The following CBFA2T3 variants were observed in gnomAD, a reference collection of about 807,000 sequenced individuals.
CBFA2T3 encodes the protein transcriptional corepressor CBFA2T3.
A neutral mutation model predicts 58.6 loss-of-function variants in CBFA2T3; 31 were observed. The observed-to-expected ratio is 0.53, with a 90% CI of 0.40 to 0.71. CBFA2T3 has a LOEUF of 0.71. Among genes scored for constraint, CBFA2T3 ranks in the 30% least tolerant of loss-of-function variants. The pLI is 0.00. For missense variants in CBFA2T3, 1,076 were observed against 963.1 expected, an observed-to-expected ratio of 1.12 and a Z score of -1.55; for synonymous variants, 531 against 421.9, an observed-to-expected ratio of 1.26 and a Z score of -3.17.
intron 1 of CBFA2T3, among the ~76,000 whole-genome samples, chr16:88,975,697 C>T (rs2142897307): frequency 6.6e-6 from 1 of 152,392 alleles, no homozygotes; most frequent in East Asian, 1.9e-4. Context: ...TTGGGAAGTT[C>T]CTGCTCACAT....
intron 3 of CBFA2T3, among the ~76,000 whole-genome samples, chr16:88,894,453 C>T (rs1015211625): frequency 4.2e-5 from 5 of 118,404 alleles, no homozygotes; most frequent in South Asian, 5.1e-4. Context: ...CACACATGCA[C>T]GCACACATGC....
Position 88,880,756 on chromosome 16 carries a change from T to A in CBFA2T3, c.1435A>T (p.Thr479Ser). 1 of 1,583,564 alleles carries A rather than the reference T, an allele frequency of 6.3e-7. No homozygotes were observed. Residue 479 changes from threonine (T) to serine (S), a missense_variant, in exon 10 of 12, where the codon ACC (threonine) becomes TCC (serine). Transcript: ENST00000268679. ...VPREFLPRTL[T>S]GYVPEDIWRK... ...CAGATGTCCTCAGGCACGTAGCCGG[T>A]GAGGGTCCTCGGCAGGAACTCGCGA...
intron 1 of CBFA2T3, among the ~76,000 whole-genome samples, chr16:88,934,213 G>A (rs924520762): frequency 2.0e-5 from 3 of 151,526 alleles, no homozygotes; most frequent in Non-Finnish European, 2.9e-5. Flanking sequence ...CGGAGGCACC[G>A]GCGAGAAGGG....
intron 7 of CBFA2T3, among the ~76,000 whole-genome samples, chr16:88,884,426 G>T (rs573125539): frequency 6.6e-6 from 1 of 152,216 alleles, no homozygotes; most frequent in Non-Finnish European, 1.5e-5. Flanking sequence ...AGGCTGGGCT[G>T]TGAGACTGTG....
rs886912279 is a variant in CBFA2T3 at position 88,915,776 on chromosome 16, C to T, written c.152-14120G>A. Among the ~76,000 whole-genome samples the T allele has an allele frequency of 3.1e-4, 47 of 149,312 alleles. 2 individuals carry two copies. The highest frequency in any genetic ancestry group is 1.2e-4 in the Non-Finnish European group (8 of 67,366). ...AGTGTTAAGGGGGAAGTGCAGAGAA[C>T]GAGCAGACACGTGGGCTAGACACAG... On this transcript the variant is annotated intron_variant, in intron 1 of 11. Transcript: ENST00000268679.
intron 3 of CBFA2T3, among the ~76,000 whole-genome samples, chr16:88,895,392 G>A (rs976192557): frequency 2.7e-4 from 41 of 152,142 alleles, no homozygotes; most frequent in Middle Eastern, 3.2e-3. Flanking sequence ...AGGAAGCTGT[G>A]CTGTGGCCCG....
chr16:88,921,315 G>A (rs907862156), intron 1 of CBFA2T3, among the ~76,000 whole-genome samples: 25 of 151,992 alleles, frequency 1.6e-4, no homozygotes, highest in Admixed American at 1.4e-3. Flanking sequence ...TTAATTACAC[G>A]CAGGCAGCAG....
chr16:88,948,096 A>C (rs187381449), intron 1 of CBFA2T3, among the ~76,000 whole-genome samples: 513 of 152,334 alleles, frequency 3.4e-3, no homozygotes, highest in African/African-American at 0.012. Context: ...GAGAATCTTC[A>C]GTCCCATAAA....
At chr16:88,929,434 C>G in intron 1 of CBFA2T3, among the ~76,000 whole-genome samples, 1 of 152,234 alleles carries the variant, frequency 6.6e-6, no homozygotes. Flanking sequence ...CCCTTGAAAC[C>G]CCGTGGACAA....
intron 2 of CBFA2T3, among the ~76,000 whole-genome samples, chr16:88,900,785 C>A (rs150965970): frequency 0.015 from 2,287 of 152,364 alleles, 67 homozygotes; most frequent in African/African-American, 0.052. Flanking sequence ...GTCCTCAAAG[C>A]CAAGGCTCTG....
At chr16:88,915,751 A>G (rs1349057572) in intron 1 of CBFA2T3, among the ~76,000 whole-genome samples, 69 of 39,306 alleles carry the variant, frequency 1.8e-3, no homozygotes, top group South Asian at 3.6e-3. Context: ...GTGGGGGGGG[A>G]GTGTTAAGGG....
intron 1 of CBFA2T3, among the ~76,000 whole-genome samples, chr16:88,942,520 T>C (rs1399698856): frequency 6.6e-6 from 1 of 151,924 alleles, no homozygotes; most frequent in South Asian, 2.1e-4. Context: ...CCCCCACCCC[T>C]CGTCCCTCTC....
chr16:88,877,596 TG>T (rs949098713), intron 11 of CBFA2T3, among the ~76,000 whole-genome samples: 2 of 152,164 alleles, frequency 1.3e-5, no homozygotes, highest in African/African-American at 4.8e-5. Flanking sequence ...CCAAAGGGCG[TG>T]GCCCCGGCAG....
At chr16:88,952,505 G>A (rs1007751485) in intron 1 of CBFA2T3, among the ~76,000 whole-genome samples, 2 of 152,138 alleles carry the variant, frequency 1.3e-5, no homozygotes, top group African/African-American at 4.8e-5. Flanking sequence ...GCACCGAGAC[G>A]GCTTTCAGCA....
At chr16:88,976,344 C>T (rs1411502274) in intron 1 of CBFA2T3, among the ~76,000 whole-genome samples, 1 of 152,126 alleles carries the variant, frequency 6.6e-6, no homozygotes, top group African/African-American at 2.4e-5. Flanking sequence ...CGGCTGCGGC[C>T]CTCCCACCCC....
chr16:88,898,284 C>T, intron 2 of CBFA2T3, 132 bp from the exon 3 acceptor site: 1 of 685,952 alleles, frequency 1.5e-6, no homozygotes, highest in Admixed American at 2.6e-5. Context: ...AGGAGACTGC[C>T]CTCAGGGGCA....
chr16:88,934,955 T>C (rs1458753951), intron 1 of CBFA2T3, among the ~76,000 whole-genome samples: 1 of 152,160 alleles, frequency 6.6e-6, no homozygotes, highest in East Asian at 1.9e-4. Context: ...TTAGCCAGGA[T>C]GGTCTCGATC....
chr16:88,918,676 G>C (rs2142729269), intron 1 of CBFA2T3, among the ~76,000 whole-genome samples: 1 of 152,380 alleles, frequency 6.6e-6, no homozygotes, highest in Non-Finnish European at 1.5e-5. Flanking sequence ...GCCCAGGCCA[G>C]AGCCCCCAGC....
chr16:88,973,529 G>A (rs928611984), intron 1 of CBFA2T3, among the ~76,000 whole-genome samples: 7 of 152,190 alleles, frequency 4.6e-5, no homozygotes, highest in African/African-American at 1.7e-4. Flanking sequence ...AACACCCGGG[G>A]AGGGCAATCC....
Sources: gnomAD v4.1 joint callset for allele counts (sites outside exome capture counted in the v4.1 genomes callset) on GRCh38, gnomAD v4.1.1 for gene constraint, MANE v1.5 for transcripts, NCBI Gene and HGNC (gene_info 2026-07-23, HGNC 2026-07-21) for gene names.